The following NOVA1 variants were observed in gnomAD, a reference collection of about 807,000 sequenced individuals.
The protein encoded by NOVA1 is RNA-binding protein Nova-1.
NOVA1 carries 7 observed loss-of-function variants against 38.0 expected under a neutral mutation model. The ratio of observed to expected loss-of-function variants is 0.18; its 90% CI spans 0.10 to 0.35. The LOEUF (loss-of-function observed/expected upper bound fraction) is 0.35. Ranked by LOEUF, NOVA1 falls within the 10% of genes least tolerant of loss-of-function variation. The probability of loss-of-function intolerance (pLI) is 1.00; values close to 1 mark genes in which losing one functional copy is unlikely to be tolerated. For missense variants in NOVA1, 460 were observed against 616.0 expected, an observed-to-expected ratio of 0.75 and a Z score of 2.68; for synonymous variants, 270 against 232.5, an observed-to-expected ratio of 1.16 and a Z score of -1.47.
intron 2 of NOVA1, among the ~76,000 whole-genome samples, chr14:26,549,029 G>A (rs911546428): frequency 1.3e-5 from 2 of 152,040 alleles, no homozygotes; most frequent in African/African-American, 2.4e-5. Flanking sequence ...TTTGATAGCT[G>A]GGAGGCTATC....
intron 2 of NOVA1, among the ~76,000 whole-genome samples, chr14:26,520,500 C>T (rs1888789997): frequency 2.0e-5 from 3 of 152,056 alleles, no homozygotes; most frequent in South Asian, 4.1e-4. Flanking sequence ...TTTTAAGCAA[C>T]GAAGTCAACA....
intron 2 of NOVA1, among the ~76,000 whole-genome samples, chr14:26,544,822 T>G (rs10151855): frequency 6.6e-6 from 1 of 151,900 alleles, no homozygotes; most frequent in Non-Finnish European, 1.5e-5. Flanking sequence ...ATATTCAGAA[T>G]GGAACTGCAT....
chr14:26,580,831 T>A (rs914730691), intron 2 of NOVA1, among the ~76,000 whole-genome samples: 20 of 152,160 alleles, frequency 1.3e-4, no homozygotes, highest in Admixed American at 3.9e-4. Flanking sequence ...ACACTTCAAT[T>A]GTTAAAAATC....
At chr14:26,506,728 T>A (rs544744024) in intron 2 of NOVA1, among the ~76,000 whole-genome samples, 1 of 152,092 alleles carries the variant, frequency 6.6e-6, no homozygotes, top group African/African-American at 2.4e-5. Context: ...TACAGGCACC[T>A]GCCACCACGC....
intron 2 of NOVA1, among the ~76,000 whole-genome samples, chr14:26,535,511 TAA>T (rs1890000871): frequency 6.6e-6 from 1 of 152,074 alleles, no homozygotes; most frequent in Admixed American, 6.5e-5. Flanking sequence ...ATACATCAAA[TAA>T]GGATTAATAT....
chr14:26,575,750 GA>G (rs1356916888), intron 2 of NOVA1, among the ~76,000 whole-genome samples: 2 of 151,784 alleles, frequency 1.3e-5, no homozygotes, highest in South Asian at 4.2e-4. Flanking sequence ...TGCATGATTA[GA>G]AAAAAAGTCA....
chr14:26,494,936 A>G (rs1214509659), intron 2 of NOVA1, among the ~76,000 whole-genome samples: 2 of 152,138 alleles, frequency 1.3e-5, no homozygotes, highest in Non-Finnish European at 2.9e-5. Flanking sequence ...ATCTCATATT[A>G]AGAGTTAAGT....
intron 4 of NOVA1, chr14:26,470,078 T>C: frequency 2.1e-6 from 1 of 481,438 alleles, no homozygotes; most frequent in East Asian, 1.2e-4. Flanking sequence ...TAAAAAGTAT[T>C]TTTAAATATT....
At chr14:26,546,615 T>G (rs546564366) in intron 2 of NOVA1, among the ~76,000 whole-genome samples, 9 of 152,216 alleles carry the variant, frequency 5.9e-5, no homozygotes, top group Non-Finnish European at 1.3e-4. Flanking sequence ...CACTATTTCT[T>G]CAGCTGGTTC....
At position 26,448,520 on chromosome 14, in the gene NOVA1, T is replaced by C. The variant is rs777421690; in HGVS notation, c.963A>G (p.Thr321=). The change falls in exon 5 of 5, where the codon ACA becomes ACG. Residue 321 remains threonine, a synonymous_variant. Transcript: ENST00000539517. The surrounding 1 kb of genome is among the most constrained non-coding windows in gnomAD (Gnocchi z 5.3). ...TGAGATTATATCCATAGCTGGCTAA[T>C]GTATTAAGTGCAGAGGTGATGGCCA... ...DLVAITSALN[T]LASYGYNLNT... is the part of the protein sequence containing the mutation. 1.4e-5 allele frequency: 23 copies of C among 1,614,064 alleles called. 1 individual carries two copies. The South Asian group carries it at 1.9e-4, about 13-fold the overall frequency.
intron 2 of NOVA1, among the ~76,000 whole-genome samples, chr14:26,574,023 C>CTTTTT (rs780944723): frequency 2.5e-5 from 3 of 121,080 alleles, no homozygotes; most frequent in African/African-American, 6.7e-5. Context: ...AAAGATTACA[C>CTTTTT]TTTTTTTTTT....
At chr14:26,529,145 T>G (rs1432024921) in intron 2 of NOVA1, among the ~76,000 whole-genome samples, 2 of 152,110 alleles carry the variant, frequency 1.3e-5, no homozygotes, top group Non-Finnish European at 2.9e-5. Flanking sequence ...TTTTTTCCTT[T>G]TTTTTCTTTT....
Position 26,550,287 on chromosome 14 carries a change from T to C in NOVA1, c.280+45123A>G, listed in dbSNP as rs1013383884. On this transcript the variant is annotated intron_variant, in intron 2 of 4. Transcript: ENST00000539517. ...CATCAAAACTGAAGCACAAGTACCA[T>C]AAAATATCTAAAAGGGATTTTTAAA... Among the ~76,000 whole-genome samples, 10 of 152,232 alleles carry C rather than the reference T, an allele frequency of 6.6e-5. 1 individual carries two copies. The South Asian group carries it at 1.0e-3, about 16-fold the overall frequency.
intron 2 of NOVA1, among the ~76,000 whole-genome samples, chr14:26,523,463 C>T (rs530792546): frequency 6.6e-6 from 1 of 152,258 alleles, no homozygotes; most frequent in East Asian, 1.9e-4. Flanking sequence ...TGAATATGTA[C>T]TGCTAATAAC....
At chr14:26,578,321 T>C (rs754623090) in intron 2 of NOVA1, among the ~76,000 whole-genome samples, 4 of 150,196 alleles carry the variant, frequency 2.7e-5, no homozygotes, top group Non-Finnish European at 5.9e-5. Context: ...ATGCCATAAT[T>C]ACCAGAACAG....
Position 26,443,624 on chromosome 14 carries a change from C to G in NOVA1, c.*4335G>C, listed in dbSNP as rs1437122447. On this transcript the variant is annotated 3_prime_UTR_variant, in exon 5 of 5. Transcript: ENST00000539517. ...TAACATGCAGATTTCCAAATATAAT[C>G]TGTTAAAGTAATATGATACTTACCC... The G allele has an allele frequency of 2.6e-5, 4 of 152,076 alleles. No homozygotes were observed. Among genetic ancestry groups the G allele is most frequent in the Non-Finnish European group, 4.4e-5 (3 of 67,816 alleles). The allele number at this position is 152,076 out of a possible 1,614,324, so 9.4% of individuals were successfully genotyped here. A position where few individuals can be genotyped will look rare whatever the true frequency, so the allele number is the denominator to read the frequency against.
intron 2 of NOVA1, among the ~76,000 whole-genome samples, chr14:26,555,305 T>A (rs1891410697): frequency 6.6e-6 from 1 of 152,080 alleles, no homozygotes. Flanking sequence ...TTAAATAAAT[T>A]AAGGTATCAG....
At chr14:26,583,340 A>C (rs1278068778) in intron 2 of NOVA1, among the ~76,000 whole-genome samples, 3 of 151,712 alleles carry the variant, frequency 2.0e-5, no homozygotes, top group Non-Finnish European at 3.0e-5. Context: ...TAAACAAATC[A>C]TGAAATCATA....
chr14:26,444,843 AC>A lies in NOVA1; in HGVS notation c.*3115del, dbSNP rs1478454978. On this transcript the variant is annotated 3_prime_UTR_variant, in exon 5 of 5. Coordinates refer to ENST00000539517, the MANE Select transcript of NOVA1 (RefSeq NM_002515.3). The stretch of plus-strand genomic sequence containing the variant: ...CAGTGATAAAGAAAAAAACAAAAAA[AC>A]AAACAAACAAACAAACAAAAAAAAA... 9 of 144,096 alleles carry A rather than the reference AC, an allele frequency of 6.2e-5. No individual in the cohort carries two copies. Among genetic ancestry groups the A allele is most frequent in the African/African-American group, 2.2e-4 (8 of 35,806 alleles). 8.9% of individuals were successfully genotyped at this position (144,096 alleles called of 1,614,324 possible).
Sources: gnomAD v4.1 joint callset for allele counts (sites outside exome capture counted in the v4.1 genomes callset) on GRCh38, gnomAD v4.1.1 for gene constraint, Gnocchi (gnomAD v3.1) non-coding constraint, MANE v1.5 for transcripts, NCBI Gene and HGNC (gene_info 2026-07-23, HGNC 2026-07-21) for gene names.